UBOX5: variants seen among roughly 807,000 people sequenced by gnomAD.
The protein encoded by UBOX5 is U-box domain containing 5.
In UBOX5, 28 loss-of-function variants were observed where a neutral mutation model predicts 39.0. The observed-to-expected ratio is 0.72, with a 90% confidence interval of 0.53 to 0.98. The LOEUF is 0.98. Among genes scored for constraint, UBOX5 ranks in the 50% least tolerant of loss-of-function variants. UBOX5 has a pLI of 0.00. For synonymous variants in UBOX5, 283 were observed against 275.5 expected, an observed-to-expected ratio of 1.03 and a Z score of -0.27; for missense variants, 585 against 674.4, an observed-to-expected ratio of 0.87 and a Z score of 1.47.
intron 1 of UBOX5, chr20:3,148,115 C>G (rs1403629283): frequency 6.2e-7 from 1 of 1,613,910 alleles, no homozygotes; most frequent in Non-Finnish European, 8.5e-7. Context: ...ACAGATGGTA[C>G]CAACCTCCTC....
rs781653870 is a variant in UBOX5 at position 3,122,132 on chromosome 20, G to A, written c.507C>T (p.His169=). 32 of 1,614,116 alleles carry A rather than the reference G, an allele frequency of 2.0e-5. No homozygotes were observed. In the African/African-American group the frequency reaches 3.1e-4, roughly 15 times the overall value. ...LWNKGALSLS[H]VAHLRICITH... is the part of the protein sequence containing the mutation. ...TGATACAGATCCTTAAGTGGGCCAC[G>A]TGGCTAAGGGAAAGAGCCCCTTTAT... Residue 169 remains histidine, a synonymous_variant, in exon 3 of 5, where the codon CAC becomes CAT. Transcript: ENST00000217173.
chr20:3,157,866 C>A (rs1428333455), intron 1 of UBOX5, among the ~76,000 whole-genome samples: 1 of 152,218 alleles, frequency 6.6e-6, no homozygotes, highest in East Asian at 1.9e-4. Context: ...ATAGTACATA[C>A]TTCAGACAAA....
At chr20:3,117,201 T>C (rs1378693217) in intron 3 of UBOX5, among the ~76,000 whole-genome samples, 1 of 151,896 alleles carries the variant, frequency 6.6e-6, no homozygotes, top group East Asian at 1.9e-4. Flanking sequence ...CCAATACTAT[T>C]CAATTGTTCC....
intron 1 of UBOX5, among the ~76,000 whole-genome samples, chr20:3,131,228 CAAAA>C (rs112248218): frequency 8.6e-6 from 1 of 116,416 alleles, no homozygotes; most frequent in Non-Finnish European, 1.8e-5. Flanking sequence ...GACTCCATCT[CAAAA>C]AAAAAAAAAG....
At chr20:3,117,813 G>A (rs1035337012) in intron 3 of UBOX5, among the ~76,000 whole-genome samples, 38 of 150,912 alleles carry the variant, frequency 2.5e-4, no homozygotes, top group African/African-American at 8.5e-4. Context: ...CCAACATGGC[G>A]AAACCCCATC....
At position 3,123,163 on chromosome 20, in the gene UBOX5, T is replaced by G. The variant is rs1007218567; in HGVS notation, c.54+149A>C. On this transcript the variant is annotated intron_variant, in intron 2 of 4. Coordinates refer to ENST00000217173, the MANE Select transcript of UBOX5 (RefSeq NM_014948.4). ...TGATTCTAGAGGTGAGCCTGCCCCA[T>G]GCTTACCTAAATACCATCTGATGGA... The G allele has an allele frequency of 1.0e-5, 8 of 778,530 alleles. No homozygotes were observed. The African/African-American group carries it at 1.4e-4, about 14-fold the overall frequency. The allele number at this position is 778,530 out of a possible 1,614,324, so 48.2% of individuals were successfully genotyped here.
In UBOX5 at chr20:3,121,803, G is replaced by C; in HGVS notation, c.836C>G (p.Pro279Arg). 1 of 1,614,156 alleles carries C rather than the reference G, an allele frequency of 6.2e-7. No homozygotes were observed. The change falls in exon 3 of 5, where the codon CCC (proline) becomes CGC (arginine). Residue 279 changes from proline to arginine, a missense_variant. Physicochemically the swap from Pro to Arg is moderately radical, Grantham distance 103 (BLOSUM62 -2). Transcript: ENST00000217173. ...GCTCTGGTCGATGACCTTGCCTGAG[G>C]GCAGCAGCATGGGACAAGGCATGAT... ...LEIMPCPMLL[P>R]SGKVIDQSTL...
intron 1 of UBOX5, among the ~76,000 whole-genome samples, chr20:3,143,129 A>C (rs975443064): frequency 7.6e-6 from 1 of 131,756 alleles, no homozygotes; most frequent in East Asian, 2.2e-4. Flanking sequence ...TTTTTGAGAC[A>C]GAGTCTCTGG....
chr20:3,117,924 G>A (rs1374769153), intron 3 of UBOX5, among the ~76,000 whole-genome samples: 4 of 147,940 alleles, frequency 2.7e-5, no homozygotes, highest in Admixed American at 2.0e-4. Flanking sequence ...TCCGGGAGGC[G>A]GAGGTTGCAG....
intron 2 of UBOX5, among the ~76,000 whole-genome samples, chr20:3,122,927 C>A (rs1387565186): frequency 6.6e-6 from 1 of 151,280 alleles, no homozygotes; most frequent in African/African-American, 2.4e-5. Context: ...CTTTTCCCTG[C>A]CAAAAAAAAA....
At position 3,148,728 on chromosome 20, in the gene UBOX5, T is replaced by C. The variant is rs1472742324; in HGVS notation, c.-42+11038A>G. On this transcript the variant is annotated intron_variant, in intron 1 of 4. Transcript: ENST00000217173. ...GGTCTTAGCTGTAGGAAAACTCGCA[T>C]GTTTTCAAAGGAATCAAACACTTCT... 3.1e-6 allele frequency: 5 copies of C among 1,614,154 alleles called. No homozygotes were observed. In the African/African-American group the frequency reaches 6.7e-5, roughly 22 times the overall value.
rs537606385 is a variant in UBOX5 at position 3,153,425 on chromosome 20, T to C, written c.-42+6341A>G. Among the ~76,000 whole-genome samples, 112 of 152,344 alleles carry C rather than the reference T, an allele frequency of 7.4e-4. 1 individual carries two copies. The South Asian group carries it at 0.021, about 28-fold the overall frequency. On this transcript the variant is annotated intron_variant, in intron 1 of 4. Transcript: ENST00000217173. ...TCCCATCCTTATAACATCTCTGTAA[T>C]GTAAGTTTATAATCCCCATATTACT...
chr20:3,135,000 AAAT>A (rs2066458811), intron 1 of UBOX5, among the ~76,000 whole-genome samples: 1 of 152,218 alleles, frequency 6.6e-6, no homozygotes, highest in African/African-American at 2.4e-5. Flanking sequence ...TAAAGAAAAG[AAAT>A]AATTAGAAGA....
At chr20:3,116,908 C>A (rs1600364068) in intron 3 of UBOX5, among the ~76,000 whole-genome samples, 1 of 152,188 alleles carries the variant, frequency 6.6e-6, no homozygotes, top group East Asian at 1.9e-4. Context: ...CCAGCCTGGT[C>A]AACATGGCGA....
chr20:3,128,586 G>A (rs1423287179), intron 1 of UBOX5, among the ~76,000 whole-genome samples: 2 of 152,172 alleles, frequency 1.3e-5, no homozygotes, highest in Admixed American at 6.6e-5. Context: ...ACAAAGCCGG[G>A]CGGAGTGGCT....
intron 1 of UBOX5, among the ~76,000 whole-genome samples, chr20:3,143,924 C>T (rs2066539393): frequency 6.6e-6 from 1 of 152,260 alleles, no homozygotes; most frequent in South Asian, 2.1e-4. Flanking sequence ...CATCATTGCA[C>T]TCCAGCCTGG....
chr20:3,158,753 C>A (rs1223357345), intron 1 of UBOX5, among the ~76,000 whole-genome samples: 1 of 152,220 alleles, frequency 6.6e-6, no homozygotes, highest in African/African-American at 2.4e-5. Flanking sequence ...GGATTACAGG[C>A]GTGAGCCACT....
At chr20:3,117,359 A>G (rs568665498) in intron 3 of UBOX5, among the ~76,000 whole-genome samples, 6 of 151,968 alleles carry the variant, frequency 3.9e-5, no homozygotes, top group South Asian at 4.1e-4. Flanking sequence ...GAATACAAAA[A>G]TCCTAACACT....
chr20:3,141,637 A>G (rs1343497626), intron 1 of UBOX5, among the ~76,000 whole-genome samples: 1 of 150,764 alleles, frequency 6.6e-6, no homozygotes, highest in African/African-American at 2.4e-5. Flanking sequence ...CAAGAGCGAA[A>G]CTCCGTCTCA....
Sources: gnomAD v4.1 joint callset for allele counts (sites outside exome capture counted in the v4.1 genomes callset) on GRCh38, gnomAD v4.1.1 for gene constraint, MANE v1.5 for transcripts, NCBI Gene and HGNC (gene_info 2026-07-23, HGNC 2026-07-21) for gene names.